The following ABCA7 variants were observed in gnomAD, a reference collection of about 807,000 sequenced individuals.
ABCA7 encodes the protein phospholipid-transporting ATPase ABCA7.
ABCA7 carries 261 observed loss-of-function variants against 227.6 expected under a neutral mutation model. The ratio of observed to expected loss-of-function variants is 1.15; its 90% confidence interval spans 1.04 to 1.27. ABCA7 has a LOEUF of 1.27. Among genes scored for constraint, ABCA7 ranks in the 50% most tolerant of loss-of-function variants. The probability of loss-of-function intolerance (pLI) is 0.00; values close to 1 mark genes in which losing one functional copy is unlikely to be tolerated. For synonymous variants in ABCA7, 1,488 were observed against 1,279.7 expected, an observed-to-expected ratio of 1.16 and a Z score of -3.47; for missense variants, 3,331 against 2,924.5, an observed-to-expected ratio of 1.14 and a Z score of -3.21.
In ABCA7 at chr19:1,058,935, A is replaced by C; in HGVS notation, c.5395A>C (p.Thr1799Pro). 4 of 1,604,000 alleles carry C rather than the reference A, an allele frequency of 2.5e-6. No homozygotes were observed. The highest frequency in any genetic ancestry group is 3.4e-6 in the Non-Finnish European group (4 of 1,172,872). Residue 1799 changes from threonine to proline, a missense_variant, in exon 39 of 47, where the codon ACC becomes CCC. Transcript: ENST00000263094. ...QGDVLVLRNL[T>P]KVYRGQRMPA... ...GGATGTGTTGGTGCTGAGGAACTTGACCAAGGTAGGTGTGGTCAGGTCGAC... is the reference window on the plus strand; with the variant it reads ...GGATGTGTTGGTGCTGAGGAACTTGCCCAAGGTAGGTGTGGTCAGGTCGAC...
At position 1,043,321 on chromosome 19, in the gene ABCA7, A is replaced by AC; in HGVS notation, c.791-8dup. The AC allele has an allele frequency of 6.2e-7, 1 of 1,612,472 alleles. No individual in the cohort carries two copies. The highest frequency in any genetic ancestry group is 1.7e-5 in the Admixed American group (1 of 59,984). ...GGGCAGGGGGGCAGGGCCTCATGGC[A>AC]CCCCCATCCCAGGCCCCGCCTGCTC... On this transcript the variant is annotated splice_polypyrimidine_tract_variant and intron_variant, in intron 8 of 46. Coordinates refer to ENST00000263094, the MANE Select transcript of ABCA7 (RefSeq NM_019112.4).
chr19:1,058,592 C>A, intron 37 of ABCA7, 26 bp from the exon 38 acceptor site: 1 of 1,612,532 alleles, frequency 6.2e-7, no homozygotes. Context: ...TCTCATGGAC[C>A]CAGTCCCTCC....
intron 30 of ABCA7, 144 bp downstream of exon 30, chr19:1,055,495 T>TCC: frequency 2.4e-6 from 2 of 835,626 alleles, no homozygotes; most frequent in Non-Finnish European, 3.4e-6. Context: ...TACCTTCCTT[T>TCC]CCTCTTTTTT....
In ABCA7 at chr19:1,054,531, GGGT is replaced by G. The variant is rs2042071707; in HGVS notation, c.3727-36_3727-34del. 1 of 1,596,402 alleles carries G rather than the reference GGGT, an allele frequency of 6.3e-7. No homozygotes were observed. The highest frequency in any genetic ancestry group is 1.7e-5 in the Admixed American group (1 of 59,754). On this transcript the variant is annotated intron_variant, in intron 27 of 46. Transcript: ENST00000263094. This position sits in a 1 kb window ranked among gnomAD's most constrained non-coding sequence, Gnocchi z 4.8. The stretch of plus-strand genomic sequence containing the variant: ...AGGGACAGGTGCAAGCAAGCCTGGA[GGGT>G]GGATGGAAGCAGCAGCTGATGGGCT...
At position 1,058,870 on chromosome 19, in the gene ABCA7, C is replaced by T. The variant is rs1357204802; in HGVS notation, c.5330C>T (p.Ala1777Val). ...PLLGEEDEDVARERERVVQGA... is the reference protein window; with the variant it reads ...PLLGEEDEDVVRERERVVQGA... ...CTGGGAGAGGAGGACGAGGATGTAGCCCGTGAACGGGAGCGGGTGGTCCAA... is the reference window on the plus strand; with the variant it reads ...CTGGGAGAGGAGGACGAGGATGTAGTCCGTGAACGGGAGCGGGTGGTCCAA... Residue 1777 changes from alanine (A) to valine (V), a missense_variant, in exon 39 of 47, where the codon GCC (alanine) becomes GTC (valine). By Grantham distance (64) the Ala-to-Val change is moderately conservative (BLOSUM62 0). Transcript: ENST00000263094. 1 of 1,578,936 alleles carries T rather than the reference C, an allele frequency of 6.3e-7. No homozygotes were observed. Among genetic ancestry groups the T allele is most frequent in the Non-Finnish European group, 8.6e-7 (1 of 1,159,178 alleles).
intron 35 of ABCA7, 127 bp from the exon 36 acceptor site, chr19:1,057,788 A>C (rs1483382189): frequency 3.0e-6 from 4 of 1,314,556 alleles, no homozygotes; most frequent in African/African-American, 3.0e-5. Flanking sequence ...AAAAAAAAAA[A>C]AACAGAAATG....
rs2040426585 is a variant in ABCA7, at chr19:1,044,697, C to T, written c.1168C>T (p.His390Tyr). ...CGGTGGCTACAGCTGGCAGGACGCA[C>T]ACGCTGATGTGGGGCACCTGGTGGG... ...GSGGYSWQDA[H>Y]ADVGHLVGTL... The change falls in exon 11 of 47, where the codon CAC becomes TAC. Residue 390 changes from histidine to tyrosine, a missense_variant. His to Tyr is a moderately conservative substitution (Grantham distance 83). Transcript: ENST00000263094. 1.2e-6 allele frequency: 2 copies of T among 1,612,554 alleles called. No homozygotes were observed. Among genetic ancestry groups the T allele is most frequent in the South Asian group, 1.1e-5 (1 of 91,062 alleles).
chr19:1,059,883 C>T (rs1237138094), intron 40 of ABCA7, among the ~76,000 whole-genome samples: 1 of 152,166 alleles, frequency 6.6e-6, no homozygotes, highest in Non-Finnish European at 1.5e-5. Context: ...CTTGAGCCAA[C>T]AAAACCTCAT....
intron 39 of ABCA7, 30 bp from the exon 40 acceptor site, chr19:1,058,993 C>T (rs1041069456): frequency 1.6e-5 from 26 of 1,613,680 alleles, no homozygotes; most frequent in Non-Finnish European, 1.9e-5. Context: ...CTGGCCCACT[C>T]ACCTTTCTGA....
At chr19:1,064,032 G>T in intron 44 of ABCA7, 129 bp from the exon 45 acceptor site, 3 of 1,343,082 alleles carry the variant, frequency 2.2e-6, no homozygotes, top group Non-Finnish European at 3.0e-6. Context: ...GCCGGGATCA[G>T]AACGGTCTGG....
In ABCA7 at chr19:1,045,093, C is replaced by T. The variant is rs1376661795; in HGVS notation, c.1307C>T (p.Ala436Val). 7.4e-6 allele frequency: 12 copies of T among 1,612,962 alleles called. No homozygotes were observed. Among genetic ancestry groups the T allele is most frequent in the Non-Finnish European group, 9.3e-6 (11 of 1,179,982 alleles). ...LQLLAEHRFW[A>V]GVVFLGPEDS... ...CTGCTCGCGGAACATCGATTCTGGG[C>T]CGGCGTCGTCTTCTTGGGACCTGAG... Residue 436 changes from alanine (A) to valine (V), a missense_variant, in exon 12 of 47, where the codon GCC (alanine) becomes GTC (valine). Coordinates refer to ENST00000263094, the MANE Select transcript of ABCA7 (RefSeq NM_019112.4).
intron 6 of ABCA7, 57 bp from the exon 7 acceptor site, chr19:1,042,689 G>T (rs376913279): frequency 1.3e-6 from 2 of 1,546,424 alleles, no homozygotes; most frequent in Non-Finnish European, 1.8e-6. Context: ...TGGCCAGAGC[G>T]CTGGACCCCT....
At chr19:1,042,544 G>A (rs1171119121) in intron 6 of ABCA7, 147 bp downstream of exon 6, 2 of 1,132,740 alleles carry the variant, frequency 1.8e-6, no homozygotes, top group Middle Eastern at 3.8e-4. Flanking sequence ...GTCCGTCTGG[G>A]CCCCCAGACA....
At chr19:1,063,410 C>A (rs2144966409) in intron 42 of ABCA7, 134 bp from the exon 43 acceptor site, 1 of 1,279,224 alleles carries the variant, frequency 7.8e-7, no homozygotes, top group Non-Finnish European at 1.1e-6. Context: ...CACACTATGT[C>A]CCATTCTCAC....
chr19:1,045,341 G>A, intron 12 of ABCA7, 110 bp downstream of exon 12: 1 of 1,125,652 alleles, frequency 8.9e-7, no homozygotes, highest in Admixed American at 2.2e-5. Flanking sequence ...ACAGGATCTG[G>A]GCTGTATCAA....
At chr19:1,047,682 C>G in intron 16 of ABCA7, 28 bp downstream of exon 16, 1 of 1,553,898 alleles carries the variant, frequency 6.4e-7, no homozygotes, top group East Asian at 2.3e-5. Flanking sequence ...GGGCTCCGGG[C>G]CGGGTCGCAC....
Position 1,048,500 on chromosome 19 carries a change from AAAAAAAAAAC to A in ABCA7, c.2270-385_2270-376del, listed in dbSNP as rs1375101600. On this transcript the variant is annotated intron_variant, in intron 16 of 46. Coordinates refer to ENST00000263094, the MANE Select transcript of ABCA7 (RefSeq NM_019112.4). ...AACAAGAGTGAAACTCAGTCTCAAA[AAAAAAAAAAC>A]AAAAAAAAAAAAAACAAGGCCGGGC... 1.8e-4 allele frequency among the ~76,000 whole-genome samples: 21 copies of A among 116,422 alleles called. 1 individual carries two copies. The Admixed American group carries it at 1.8e-3, about 10-fold the overall frequency. 76.4% of individuals were successfully genotyped at this position (116,422 alleles called of 152,430 possible). A position where few individuals can be genotyped will look rare whatever the true frequency, so the allele number is the denominator to read the frequency against.
Position 1,049,467 on chromosome 19 carries a change from GCC to G in ABCA7, c.2552+36_2552+37del. 2.4e-6 allele frequency: 3 copies of G among 1,255,752 alleles called. No individual in the cohort carries two copies. In the South Asian group the frequency reaches 4.6e-5, roughly 19 times the overall value. 77.8% of individuals were successfully genotyped at this position (1,255,752 alleles called of 1,614,324 possible). On this transcript the variant is annotated intron_variant, in intron 18 of 46. Transcript: ENST00000263094. ...GCCCCCAACCACTCCCTCCCCGTGA[GCC>G]CCCCCACTCCCACCCCGTGAGCCCC... is the stretch of plus-strand genomic sequence containing the variant.
At chr19:1,063,503 T>C (rs779774564) in intron 42 of ABCA7, 41 bp from the exon 43 acceptor site, 4 of 1,602,864 alleles carry the variant, frequency 2.5e-6, no homozygotes, top group Non-Finnish European at 3.4e-6. Flanking sequence ...CCCATACTCA[T>C]CAATATGAGT....
Sources: gnomAD v4.1 joint callset for allele counts (sites outside exome capture counted in the v4.1 genomes callset) on GRCh38, gnomAD v4.1.1 for gene constraint, Gnocchi (gnomAD v3.1) non-coding constraint, MANE v1.5 for transcripts, NCBI Gene and HGNC (gene_info 2026-07-23, HGNC 2026-07-21) for gene names.